Variants in TRHDE observed in about 807,000 individuals in gnomAD.
TRHDE encodes thyrotropin releasing hormone degrading enzyme, also known as thyrotropin-releasing hormone-degrading ectoenzyme.
In TRHDE, 72 loss-of-function variants were observed where a neutral mutation model predicts 125.7. The ratio of observed to expected loss-of-function variants is 0.57; its 90% confidence interval spans 0.47 to 0.70. TRHDE has a LOEUF of 0.70. Ranked by LOEUF, TRHDE falls within the 30% of genes least tolerant of loss-of-function variation. TRHDE has a pLI of 0.00. For synonymous variants in TRHDE, 509 were observed against 509.1 expected (o/e 1.00, Z 0.00); for missense variants, 1,110 against 1,327.1 (o/e 0.84, Z 2.54).
intron 2 of TRHDE, among the ~76,000 whole-genome samples, chr12:72,321,310 A>G (rs1431947579): frequency 1.3e-5 from 2 of 152,142 alleles, no homozygotes; most frequent in African/African-American, 4.8e-5. Flanking sequence ...TCTAGGAAAG[A>G]ATTGGGGATG....
At position 72,185,609 on chromosome 12, in the gene TRHDE, A is replaced by G. The variant is rs189252096; in HGVS notation, n.279+79857A>G. Among the ~76,000 whole-genome samples, 9 of 149,686 alleles carry G rather than the reference A, an allele frequency of 6.0e-5. No individual in the cohort carries two copies. The South Asian group carries it at 6.4e-4, about 11-fold the overall frequency. ...TAGCTCAAGGTTTGTGAGTGCACCA[A>G]TCTACACTGTATCTAGCTGCTCTGG... On this transcript the variant is annotated intron_variant and non_coding_transcript_variant, in intron 2 of 4. Coordinates refer to the TRHDE transcript ENST00000548156.
intron 6 of TRHDE, among the ~76,000 whole-genome samples, chr12:72,500,003 A>T (rs1347662739): frequency 6.6e-6 from 1 of 152,196 alleles, no homozygotes; most frequent in Non-Finnish European, 1.5e-5. Flanking sequence ...CTTAAATACT[A>T]ACTTATTTTG....
At chr12:72,358,159 C>A (rs898350016) in intron 2 of TRHDE, among the ~76,000 whole-genome samples, 1 of 151,470 alleles carries the variant, frequency 6.6e-6, no homozygotes, top group African/African-American at 2.4e-5. Flanking sequence ...TATCAGATGA[C>A]CACTTTATTG....
At chr12:72,579,964 A>G (rs1430633564) in intron 12 of TRHDE, among the ~76,000 whole-genome samples, 3 of 152,142 alleles carry the variant, frequency 2.0e-5, no homozygotes, top group African/African-American at 4.8e-5. Context: ...TTGTTTTAAT[A>G]GGTTTAGATT....
At chr12:72,605,341 A>G (rs183336879) in intron 12 of TRHDE, among the ~76,000 whole-genome samples, 3 of 152,122 alleles carry the variant, frequency 2.0e-5, no homozygotes, top group Admixed American at 6.5e-5. Context: ...CATTATTTCT[A>G]TGTCACCATT....
intron 6 of TRHDE, among the ~76,000 whole-genome samples, chr12:72,514,535 T>C (rs1371077131): frequency 2.0e-5 from 3 of 151,874 alleles, no homozygotes; most frequent in African/African-American, 4.8e-5. Context: ...ATACTGTGTA[T>C]TCAAGAGTTA....
At chr12:72,336,911 A>G (rs1041963910) in intron 2 of TRHDE, among the ~76,000 whole-genome samples, 6 of 152,172 alleles carry the variant, frequency 3.9e-5, no homozygotes, top group African/African-American at 1.2e-4. Flanking sequence ...GGACACATTC[A>G]AACCATAGCA....
chr12:72,542,053 T>A (rs1271862031), intron 6 of TRHDE, among the ~76,000 whole-genome samples: 1 of 151,446 alleles, frequency 6.6e-6, no homozygotes, highest in Non-Finnish European at 1.5e-5. Context: ...CCTGAGATAT[T>A]CTTTCTAGAG....
rs7954606 is a variant in TRHDE, at chr12:72,454,290, G to A, written c.1316-15468G>A. ...TTGAGGGATCTAAACATTTATAAAT[G>A]TTAACTCCAATCTAATATTTTTTGC... On this transcript the variant is annotated intron_variant, in intron 3 of 18. Coordinates refer to ENST00000261180, the MANE Select transcript of TRHDE (RefSeq NM_013381.3). Among the ~76,000 whole-genome samples the A allele has an allele frequency of 4.8e-3, 726 of 152,152 alleles. 6 individuals carry two copies. The highest frequency in any genetic ancestry group is 0.017 in the African/African-American group (687 of 41,516).
At chr12:72,523,940 T>G (rs1220280700) in intron 6 of TRHDE, among the ~76,000 whole-genome samples, 1 of 152,144 alleles carries the variant, frequency 6.6e-6, no homozygotes, top group Non-Finnish European at 1.5e-5. Flanking sequence ...AAGCCGGAAG[T>G]GAAAGCTGTC....
At chr12:72,189,591 A>C (rs1478703335) in intron 2 of TRHDE, among the ~76,000 whole-genome samples, 1 of 152,202 alleles carries the variant, frequency 6.6e-6, no homozygotes, top group East Asian at 1.9e-4. Flanking sequence ...ATTTAAAGAA[A>C]AATGTAGGGG....
At chr12:72,388,359 T>C (rs1394207593) in intron 3 of TRHDE, among the ~76,000 whole-genome samples, 1 of 152,192 alleles carries the variant, frequency 6.6e-6, no homozygotes, top group Non-Finnish European at 1.5e-5. Flanking sequence ...ATTTTCTTTA[T>C]TATTTGTTTC....
chr12:72,627,455 T>TAA (rs1565815153), intron 15 of TRHDE, among the ~76,000 whole-genome samples: 1 of 151,908 alleles, frequency 6.6e-6, no homozygotes, highest in East Asian at 1.9e-4. Flanking sequence ...AGATTGGTCA[T>TAA]AAGAGTCTTT....
chr12:72,219,302 T>C (rs542613652), intron 2 of TRHDE, among the ~76,000 whole-genome samples: 7 of 152,190 alleles, frequency 4.6e-5, no homozygotes, highest in Non-Finnish European at 1.0e-4. Context: ...CTTGAAGTTT[T>C]GGACTCATTC....
At chr12:72,652,594 A>T in intron 16 of TRHDE, 105 bp downstream of exon 16, 1 of 772,460 alleles carries the variant, frequency 1.3e-6, no homozygotes, top group Non-Finnish European at 2.0e-6. Context: ...TAGTTATTTT[A>T]AAATATATCT....
chr12:72,184,046 T>C (rs1214162699), intron 2 of TRHDE, among the ~76,000 whole-genome samples: 2 of 152,156 alleles, frequency 1.3e-5, no homozygotes, highest in Non-Finnish European at 2.9e-5. Context: ...CAAGGGTACA[T>C]AAAATAGCTA....
intron 2 of TRHDE, among the ~76,000 whole-genome samples, chr12:72,323,441 G>T (rs942409148): frequency 2.0e-5 from 3 of 152,066 alleles, no homozygotes; most frequent in Non-Finnish European, 4.4e-5. Flanking sequence ...TAAGAAAAGG[G>T]CAGTAACCTA....
chr12:72,615,127 T>C (rs915753322), intron 12 of TRHDE, among the ~76,000 whole-genome samples: 6 of 152,096 alleles, frequency 3.9e-5, no homozygotes, highest in African/African-American at 1.4e-4. Context: ...TTCTCATTGT[T>C]TTTTCTTTGA....
rs1198558237 is a variant in TRHDE at position 72,439,583 on chromosome 12, A to AT, written c.1316-30168dup. 2.6e-5 allele frequency among the ~76,000 whole-genome samples: 4 copies of AT among 151,114 alleles called. No homozygotes were observed. In the East Asian group the frequency reaches 7.8e-4, roughly 29 times the overall value. On this transcript the variant is annotated intron_variant, in intron 3 of 18. Transcript: ENST00000261180. ...AATGTGATTATTTTTCTGATTTCCT[A>AT]TTTTTTTGTTTATGTATATCTTGAA... is the stretch of plus-strand genomic sequence containing the variant.
Sources: allele counts gnomAD v4.1 joint callset (sites outside exome capture counted in the v4.1 genomes callset), GRCh38; gene constraint gnomAD v4.1.1; transcripts MANE v1.5; gene names NCBI Gene and HGNC (gene_info 2026-07-23, HGNC 2026-07-21).